Variants in ABCC12 observed in about 807,000 individuals in gnomAD.
The protein encoded by ABCC12 is ATP-binding cassette sub-family C member 12.
A neutral mutation model predicts 151.1 loss-of-function variants in ABCC12; 142 were observed. The ratio of observed to expected loss-of-function variants is 0.94; its 90% CI spans 0.82 to 1.08. The LOEUF (loss-of-function observed/expected upper bound fraction) is 1.08, where lower values mean the gene tolerates loss of function less well. Ranked by LOEUF, ABCC12 falls within the 50% of genes least tolerant of loss-of-function variation. ABCC12 has a pLI of 0.00. For missense variants in ABCC12, 1,638 were observed against 1,691.1 expected, an observed-to-expected ratio of 0.97 and a Z score of 0.55; for synonymous variants, 645 against 646.4, an observed-to-expected ratio of 1.00 and a Z score of 0.03.
chr16:48,143,635 G>T (rs1392198351), intron 4 of ABCC12, among the ~76,000 whole-genome samples: 1 of 152,132 alleles, frequency 6.6e-6, no homozygotes, highest in Non-Finnish European at 1.5e-5. Flanking sequence ...AATCATGGGG[G>T]TGGATTTTCC....
intron 22 of ABCC12, among the ~76,000 whole-genome samples, chr16:48,103,352 T>A (rs1485594015): frequency 2.0e-5 from 3 of 152,358 alleles, no homozygotes; most frequent in East Asian, 1.9e-4. Flanking sequence ...AGGATCATGA[T>A]AAATGATTAT....
chr16:48,113,173 C>T (rs1369871463), intron 15 of ABCC12, among the ~76,000 whole-genome samples: 2 of 152,172 alleles, frequency 1.3e-5, no homozygotes, highest in Non-Finnish European at 2.9e-5. Flanking sequence ...AAAGAAGTAG[C>T]TGTGTTCGGT....
chr16:48,109,259 G>A (rs184367653), intron 18 of ABCC12, among the ~76,000 whole-genome samples: 11 of 152,242 alleles, frequency 7.2e-5, no homozygotes, highest in East Asian at 3.9e-4. Context: ...GAAAACCAGC[G>A]TATCCCCCTA....
intron 7 of ABCC12, 32 bp downstream of exon 7, chr16:48,139,131 A>G: frequency 6.5e-7 from 1 of 1,549,226 alleles, no homozygotes; most frequent in Non-Finnish European, 8.7e-7. Flanking sequence ...TGCAAATACA[A>G]AGCAGTTAGA....
chr16:48,091,266 A>G (rs976086133), intron 24 of ABCC12, 57 bp from the exon 25 acceptor site: 2 of 1,501,144 alleles, frequency 1.3e-6, no homozygotes, highest in Non-Finnish European at 1.9e-6. Flanking sequence ...CGGGTTCTGC[A>G]GCTCCCCGTT....
At chr16:48,150,702 TG>T (rs1426922542) in intron 2 of ABCC12, among the ~76,000 whole-genome samples, 7 of 152,176 alleles carry the variant, frequency 4.6e-5, no homozygotes, top group African/African-American at 1.7e-4. Flanking sequence ...GTAAATTCTT[TG>T]TTATTAGGAT....
At chr16:48,098,444 T>C (rs1258876129) in intron 23 of ABCC12, among the ~76,000 whole-genome samples, 1 of 152,208 alleles carries the variant, frequency 6.6e-6, no homozygotes, top group Non-Finnish European at 1.5e-5. Context: ...CTCCCAGAGT[T>C]CTGCCTGGAA....
intron 29 of ABCC12, among the ~76,000 whole-genome samples, chr16:48,085,216 T>G (rs1014607720): frequency 6.6e-6 from 1 of 152,044 alleles, no homozygotes; most frequent in Admixed American, 6.6e-5. Context: ...ATTCTACAAT[T>G]CCCATATCCT....
intron 13 of ABCC12, among the ~76,000 whole-genome samples, chr16:48,119,406 C>T (rs529928230): frequency 1.3e-5 from 2 of 152,372 alleles, no homozygotes; most frequent in South Asian, 4.1e-4. Context: ...AGGCATTTGG[C>T]ACATATTTGC....
intron 11 of ABCC12, among the ~76,000 whole-genome samples, chr16:48,124,677 AGGG>A: frequency 6.6e-6 from 1 of 152,340 alleles, no homozygotes. Flanking sequence ...CAGGGGGACT[AGGG>A]TAGCTTTTGA....
At chr16:48,117,401 C>A in intron 13 of ABCC12, 68 bp from the exon 14 acceptor site, 1 of 1,546,304 alleles carries the variant, frequency 6.5e-7, no homozygotes, top group Non-Finnish European at 8.8e-7. Flanking sequence ...TGGGCTGCTT[C>A]CACAGGCGCT....
intron 13 of ABCC12, among the ~76,000 whole-genome samples, chr16:48,118,514 A>G (rs1000481734): frequency 1.3e-5 from 2 of 152,184 alleles, no homozygotes; most frequent in Non-Finnish European, 2.9e-5. Context: ...ACAGTGGCTG[A>G]TTGGTTGGTT....
chr16:48,154,529 T>C (rs1965158492), intron 1 of ABCC12, among the ~76,000 whole-genome samples: 1 of 152,202 alleles, frequency 6.6e-6, no homozygotes. Flanking sequence ...TTACTGTCTC[T>C]GTGACTCTGA....
chr16:48,144,027 G>A lies in ABCC12; in HGVS notation c.158C>T (p.Ser53Phe), dbSNP rs754120012. 15 of 1,614,166 alleles carry A rather than the reference G, an allele frequency of 9.3e-6. No homozygotes were observed. Among genetic ancestry groups the A allele is most frequent in the Non-Finnish European group, 1.2e-5 (14 of 1,180,004 alleles). ...CGTGAGCCAGGAAAATGTGGCGAAG[G>A]AGAGTAGCCCGGCATCATCCACCGG... ...PNPVDDAGLL[S>F]FATFSWLTPV... is the part of the protein sequence containing the mutation. The change falls in exon 4 of 31, where the codon TCC (serine) becomes TTC (phenylalanine). Residue 53 changes from serine (S) to phenylalanine (F), a missense_variant. By Grantham distance (155) the Ser-to-Phe change is radical. Coordinates refer to ENST00000311303, the MANE Select transcript of ABCC12 (RefSeq NM_001393797.1).
chr16:48,096,097 A>G (rs2150593115), intron 24 of ABCC12, among the ~76,000 whole-genome samples: 1 of 152,318 alleles, frequency 6.6e-6, no homozygotes, highest in Non-Finnish European at 1.5e-5. Context: ...TAGTTAAAAG[A>G]CAGGGCCTGA....
Position 48,090,861 on chromosome 16 carries a change from C to A in ABCC12, c.3285+259G>T, listed in dbSNP as rs532059038. Among the ~76,000 whole-genome samples the A allele has an allele frequency of 3.9e-5, 6 of 152,234 alleles. No individual in the cohort carries two copies. The East Asian group carries it at 9.7e-4, about 25-fold the overall frequency. On this transcript the variant is annotated intron_variant, in intron 25 of 30. Coordinates refer to ENST00000311303, the MANE Select transcript of ABCC12 (RefSeq NM_001393797.1). ...GAGTAGCTGGGATTACCACCGCTCG[C>A]CACCATGCCTGGCTAATTTTTGTAT...
chr16:48,086,816 G>A lies in ABCC12; in HGVS notation c.3639C>T (p.Tyr1213=), dbSNP rs753431649. The stretch of plus-strand genomic sequence containing the variant: ...TGTGACTCTCAAAGGGATCCAAGTT[G>A]TACCTGCAATGAAGGAGAGGAGAGG... ...DPVLFVGTVR[Y]NLDPFESHTD... is the part of the protein sequence containing the mutation. Residue 1213 remains tyrosine, a synonymous_variant, in exon 28 of 31, where the codon TAC becomes TAT. Coordinates refer to ENST00000311303, the MANE Select transcript of ABCC12 (RefSeq NM_001393797.1). 7 of 1,612,540 alleles carry A rather than the reference G, an allele frequency of 4.3e-6. No individual in the cohort carries two copies. Among genetic ancestry groups the A allele is most frequent in the Non-Finnish European group, 5.9e-6 (7 of 1,179,056 alleles).
Position 48,096,813 on chromosome 16 carries a change from A to C in ABCC12, c.3128T>G (p.Leu1043Trp). ...MNILTFTVALLVTLSFSSIST... is the reference protein window; with the variant it reads ...MNILTFTVALWVTLSFSSIST... ...GATGGAGGAGAAACTCAGGGTCACC[A>C]ACAAGGCCACAGTGAAGGTAAGGAT... Residue 1043 changes from leucine (L) to tryptophan (W), a missense_variant, in exon 24 of 31, where the codon TTG (leucine) becomes TGG (tryptophan). Coordinates refer to ENST00000311303, the MANE Select transcript of ABCC12 (RefSeq NM_001393797.1). The C allele has an allele frequency of 6.2e-7, 1 of 1,614,176 alleles. No individual in the cohort carries two copies. Among genetic ancestry groups the C allele is most frequent in the South Asian group, 1.1e-5 (1 of 91,082 alleles).
intron 18 of ABCC12, among the ~76,000 whole-genome samples, chr16:48,109,469 C>A (rs1386285904): frequency 6.6e-6 from 1 of 152,162 alleles, no homozygotes; most frequent in African/African-American, 2.4e-5. Context: ...GCGAAAATGT[C>A]GACTCCAAAG....
Sources: allele counts gnomAD v4.1 joint callset (sites outside exome capture counted in the v4.1 genomes callset), GRCh38; gene constraint gnomAD v4.1.1; transcripts MANE v1.5; gene names NCBI Gene and HGNC (gene_info 2026-07-23, HGNC 2026-07-21).